CNBD1: variants seen among roughly 807,000 people sequenced by gnomAD.
CNBD1 encodes the protein cyclic nucleotide-binding domain-containing protein 1.
Under a neutral mutation model 54.4 loss-of-function variants are expected in CNBD1, and 71 were observed. The observed-to-expected ratio is 1.30, with a 90% confidence interval of 1.08 to 1.59. CNBD1 has a LOEUF of 1.59. Among genes scored for constraint, CNBD1 ranks in the 40% most tolerant of loss-of-function variants. The probability of loss-of-function intolerance (pLI) is 0.00; values close to 1 mark genes in which losing one functional copy is unlikely to be tolerated. For missense variants in CNBD1, 659 were observed against 518.0 expected (o/e 1.27, Z -2.64); for synonymous variants, 182 against 170.7 (o/e 1.07, Z -0.51).
intron 4 of CNBD1, among the ~76,000 whole-genome samples, chr8:87,176,937 A>C (rs1240028963): frequency 2.0e-5 from 3 of 152,176 alleles, no homozygotes; most frequent in African/African-American, 7.2e-5. Context: ...AATCTTCCTT[A>C]GAGAGAATGA....
At chr8:87,012,733 A>T (rs1809250982) in intron 4 of CNBD1, among the ~76,000 whole-genome samples, 1 of 152,168 alleles carries the variant, frequency 6.6e-6, no homozygotes, top group South Asian at 2.1e-4. Flanking sequence ...TTCTATCAAT[A>T]CCAGGTCTTC....
chr8:86,963,536 T>C (rs754906408), intron 4 of CNBD1, among the ~76,000 whole-genome samples: 2 of 152,140 alleles, frequency 1.3e-5, no homozygotes, highest in Non-Finnish European at 2.9e-5. Flanking sequence ...GGGGCTGCTC[T>C]ACCATTGCCT....
chr8:87,418,304 C>A (rs60588162), intron 2 of CNBD1, among the ~76,000 whole-genome samples: 1 of 151,688 alleles, frequency 6.6e-6, no homozygotes, highest in African/African-American at 2.4e-5. Context: ...CTGAGACAAC[C>A]GAATATTCAC....
chr8:86,974,144 T>C (rs1808287406), intron 4 of CNBD1, among the ~76,000 whole-genome samples: 1 of 152,080 alleles, frequency 6.6e-6, no homozygotes, highest in South Asian at 2.1e-4. Context: ...CAAATGTACA[T>C]ATGAAGAAAT....
intron 4 of CNBD1, among the ~76,000 whole-genome samples, chr8:86,976,433 A>G (rs1214060068): frequency 6.6e-6 from 1 of 151,864 alleles, no homozygotes; most frequent in Admixed American, 6.6e-5. Context: ...GTTCAACTTT[A>G]TTATTCTGCA....
intron 6 of CNBD1, among the ~76,000 whole-genome samples, chr8:87,246,061 C>G (rs1008674291): frequency 2.6e-5 from 4 of 152,018 alleles, no homozygotes; most frequent in African/African-American, 9.7e-5. Context: ...GAACTACTGC[C>G]TTAAGCCGAT....
intron 3 of CNBD1, among the ~76,000 whole-genome samples, chr8:86,917,954 C>G (rs935397678): frequency 6.6e-6 from 1 of 152,174 alleles, no homozygotes; most frequent in African/African-American, 2.4e-5. Context: ...GGAAGAGGAT[C>G]TGTGAGCTCA....
chr8:86,896,405 A>G (rs1469483178), intron 2 of CNBD1, among the ~76,000 whole-genome samples: 1 of 152,124 alleles, frequency 6.6e-6, no homozygotes, highest in Non-Finnish European at 1.5e-5. Flanking sequence ...CATTCTAACA[A>G]TATTAATTTT....
intron 2 of CNBD1, among the ~76,000 whole-genome samples, chr8:87,400,449 A>G (rs939225330): frequency 1.3e-5 from 2 of 151,998 alleles, no homozygotes; most frequent in African/African-American, 4.8e-5. Context: ...ATTACATTCT[A>G]CATTTGAAAT....
chr8:87,046,136 C>T (rs990282118), intron 4 of CNBD1, among the ~76,000 whole-genome samples: 10 of 151,476 alleles, frequency 6.6e-5, no homozygotes, highest in African/African-American at 1.9e-4. Flanking sequence ...ATTACCACTG[C>T]GGCTAGAGAG....
At chr8:87,364,781 T>G (rs975516514) in intron 10 of CNBD1, among the ~76,000 whole-genome samples, 1 of 152,086 alleles carries the variant, frequency 6.6e-6, no homozygotes, top group Non-Finnish European at 1.5e-5. Context: ...ATAAGGATAA[T>G]GTCCCCCAGT....
intron 4 of CNBD1, among the ~76,000 whole-genome samples, chr8:86,940,846 G>A (rs918120894): frequency 1.3e-5 from 2 of 152,064 alleles, no homozygotes; most frequent in Non-Finnish European, 2.9e-5. Flanking sequence ...CTTTTTCTTT[G>A]TTTAGATACA....
At chr8:87,083,324 A>T (rs1811032895) in intron 4 of CNBD1, among the ~76,000 whole-genome samples, 1 of 152,180 alleles carries the variant, frequency 6.6e-6, no homozygotes, top group Non-Finnish European at 1.5e-5. Context: ...TGAAGAGATT[A>T]ACTAAGAGTC....
intron 4 of CNBD1, among the ~76,000 whole-genome samples, chr8:86,976,679 C>A (rs574900167): frequency 6.6e-6 from 1 of 152,006 alleles, no homozygotes; most frequent in East Asian, 1.9e-4. Flanking sequence ...CATAGAATAT[C>A]TTTCCATTTA....
chr8:87,345,325 T>C (rs2337036), intron 8 of CNBD1, among the ~76,000 whole-genome samples: 86,228 of 152,062 alleles, frequency 0.57, 25,979 homozygotes, highest in African/African-American at 0.77. Context: ...ACAATTCTTA[T>C]GTTATTTGAA....
At chr8:87,397,135 C>T (rs1811421830) in intron 2 of CNBD1, among the ~76,000 whole-genome samples, 1 of 151,798 alleles carries the variant, frequency 6.6e-6, no homozygotes, top group South Asian at 2.1e-4. Flanking sequence ...GTTAGAGCCA[C>T]TCTTGCCTTA....
chr8:87,061,260 G>T (rs1810540025), intron 4 of CNBD1, among the ~76,000 whole-genome samples: 1 of 152,242 alleles, frequency 6.6e-6, no homozygotes, highest in South Asian at 2.1e-4. Context: ...TGTGAGATAA[G>T]AAGTAACTAA....
chr8:87,168,290 T>G (rs1813007938), intron 4 of CNBD1, among the ~76,000 whole-genome samples: 1 of 152,004 alleles, frequency 6.6e-6, no homozygotes, highest in Admixed American at 6.6e-5. Flanking sequence ...TTTTTTATTT[T>G]TATTTTATGG....
chr8:87,014,544 A>C (rs57924682), intron 4 of CNBD1, among the ~76,000 whole-genome samples: 18,042 of 152,032 alleles, frequency 0.12, 3,567 homozygotes, highest in African/African-American at 0.41. Context: ...AGAAAAATAT[A>C]TTAAATATTT....
Sources: gnomAD v4.1 joint callset for allele counts (sites outside exome capture counted in the v4.1 genomes callset) on GRCh38, gnomAD v4.1.1 for gene constraint, MANE v1.5 for transcripts, NCBI Gene and HGNC (gene_info 2026-07-23, HGNC 2026-07-21) for gene names.